Variants in PLPPR1 observed in about 807,000 individuals in gnomAD.
The protein encoded by PLPPR1 is phospholipid phosphatase-related protein type 1.
In PLPPR1, 10 loss-of-function variants were observed where a neutral mutation model predicts 33.1. That is an observed-to-expected ratio of 0.30 (90% CI 0.19 to 0.51). PLPPR1 has a LOEUF of 0.51. PLPPR1 is among the 20% of genes least tolerant of loss of function. PLPPR1 has a pLI of 0.97. For missense variants in PLPPR1, 304 were observed against 408.1 expected, an observed-to-expected ratio of 0.74 and a Z score of 2.20; for synonymous variants, 151 against 151.0, an observed-to-expected ratio of 1.00 and a Z score of 0.00.
intron 1 of PLPPR1, among the ~76,000 whole-genome samples, chr9:101,144,256 G>A (rs1478681288): frequency 2.0e-5 from 3 of 152,144 alleles, no homozygotes; most frequent in Admixed American, 6.6e-5. Flanking sequence ...TCACACACCG[G>A]GGCCTGTTGG....
At chr9:101,205,756 C>T (rs774385848) in intron 2 of PLPPR1, among the ~76,000 whole-genome samples, 1 of 152,062 alleles carries the variant, frequency 6.6e-6, no homozygotes, top group Non-Finnish European at 1.5e-5. Context: ...TATGCTGGGC[C>T]GTATGCCAGG....
chr9:101,129,072 T>C (rs1831282776), intron 1 of PLPPR1, among the ~76,000 whole-genome samples: 1 of 152,166 alleles, frequency 6.6e-6, no homozygotes, highest in African/African-American at 2.4e-5. Context: ...CATTACTTTA[T>C]TGTCTCCCCA....
chr9:101,072,287 T>C (rs1830491079), intron 1 of PLPPR1, among the ~76,000 whole-genome samples: 1 of 152,164 alleles, frequency 6.6e-6, no homozygotes, highest in African/African-American at 2.4e-5. Context: ...TGTTGCGGCT[T>C]AGCCCTCCTC....
intron 4 of PLPPR1, among the ~76,000 whole-genome samples, chr9:101,286,875 A>T (rs2118916966): frequency 6.6e-6 from 1 of 152,318 alleles, no homozygotes; most frequent in South Asian, 2.1e-4. Flanking sequence ...CCTACACATT[A>T]AGTACTCTAT....
At chr9:101,227,903 A>G (rs915636220) in intron 2 of PLPPR1, among the ~76,000 whole-genome samples, 2 of 151,984 alleles carry the variant, frequency 1.3e-5, no homozygotes, top group African/African-American at 2.4e-5. Context: ...CAGCCTCCCA[A>G]AGTAGCTGGG....
At chr9:101,204,398 C>A (rs1219877609) in intron 2 of PLPPR1, among the ~76,000 whole-genome samples, 1 of 152,170 alleles carries the variant, frequency 6.6e-6, no homozygotes, top group Non-Finnish European at 1.5e-5. Context: ...GCACTAAACC[C>A]AATCATCTCT....
chr9:101,255,127 A>G (rs1422375403), intron 2 of PLPPR1, among the ~76,000 whole-genome samples: 3 of 152,264 alleles, frequency 2.0e-5, no homozygotes, highest in Middle Eastern at 3.4e-3. Context: ...TAGTGAGCTC[A>G]TGTATATGAA....
At chr9:101,156,235 G>C (rs915663167) in intron 1 of PLPPR1, among the ~76,000 whole-genome samples, 5 of 152,070 alleles carry the variant, frequency 3.3e-5, no homozygotes, top group African/African-American at 1.2e-4. Context: ...GGGTGGAGAG[G>C]TTTTCTAGCT....
intron 1 of PLPPR1, among the ~76,000 whole-genome samples, chr9:101,144,783 A>C (rs1163647710): frequency 6.6e-6 from 1 of 152,190 alleles, no homozygotes; most frequent in Non-Finnish European, 1.5e-5. Flanking sequence ...TTTGAAAACT[A>C]CTGGTCTGAA....
chr9:101,181,890 A>G (rs1564168289), intron 1 of PLPPR1, among the ~76,000 whole-genome samples: 1 of 150,076 alleles, frequency 6.7e-6, no homozygotes, highest in Non-Finnish European at 1.5e-5. Context: ...ATATACACAC[A>G]TACTTATATA....
chr9:101,044,929 T>C (rs986325428), intron 1 of PLPPR1, among the ~76,000 whole-genome samples: 3 of 152,186 alleles, frequency 2.0e-5, no homozygotes, highest in African/African-American at 7.2e-5. Context: ...CTTCTTAATT[T>C]GAGGACTATC....
intron 2 of PLPPR1, among the ~76,000 whole-genome samples, chr9:101,221,665 G>A (rs929042735): frequency 3.9e-5 from 6 of 152,124 alleles, no homozygotes; most frequent in Non-Finnish European, 1.5e-5. Flanking sequence ...GGAAATGGAA[G>A]CTCAGAGGTG....
chr9:101,098,618 G>T (rs1830853302), intron 1 of PLPPR1, among the ~76,000 whole-genome samples: 3 of 152,220 alleles, frequency 2.0e-5, no homozygotes, highest in South Asian at 4.1e-4. Flanking sequence ...AAAGGGAAAT[G>T]AAGTCAACCC....
chr9:101,157,443 G>A (rs1004820735), intron 1 of PLPPR1, among the ~76,000 whole-genome samples: 1 of 152,106 alleles, frequency 6.6e-6, no homozygotes, highest in South Asian at 2.1e-4. Flanking sequence ...GCCTATATGT[G>A]TCTAAATTTA....
At chr9:101,252,756 T>A (rs1325533801) in intron 2 of PLPPR1, among the ~76,000 whole-genome samples, 2 of 151,890 alleles carry the variant, frequency 1.3e-5, no homozygotes, top group Admixed American at 6.6e-5. Context: ...GTACCATAAG[T>A]ACTTCTGTTT....
At chr9:101,211,448 A>T (rs1826689584) in intron 2 of PLPPR1, among the ~76,000 whole-genome samples, 2 of 152,222 alleles carry the variant, frequency 1.3e-5, no homozygotes, top group African/African-American at 4.8e-5. Context: ...GATATCTAAG[A>T]CCACACAGTC....
chr9:101,307,345 T>C (rs1296454395), intron 4 of PLPPR1, among the ~76,000 whole-genome samples: 1 of 152,188 alleles, frequency 6.6e-6, no homozygotes, highest in African/African-American at 2.4e-5. Context: ...CTGCCACTTT[T>C]CCTTTTTCAG....
intron 1 of PLPPR1, among the ~76,000 whole-genome samples, chr9:101,108,122 G>T (rs1280285068): frequency 6.8e-6 from 1 of 146,786 alleles, no homozygotes; most frequent in South Asian, 2.1e-4. Context: ...CGTCGCTCAC[G>T]CTGGGAGCTG....
chr9:101,174,177 A>G (rs1407289508), intron 1 of PLPPR1, among the ~76,000 whole-genome samples: 1 of 151,974 alleles, frequency 6.6e-6, no homozygotes, highest in Non-Finnish European at 1.5e-5. Context: ...GAAAGGAAAA[A>G]ACACTGCTCA....
Sources: gnomAD v4.1 joint callset for allele counts (sites outside exome capture counted in the v4.1 genomes callset) on GRCh38, gnomAD v4.1.1 for gene constraint, MANE v1.5 for transcripts, NCBI Gene and HGNC (gene_info 2026-07-23, HGNC 2026-07-21) for gene names.